BCL2: variants seen among roughly 807,000 people sequenced by gnomAD.
The protein encoded by BCL2 is apoptosis regulator Bcl-2.
Under a neutral mutation model 14.2 loss-of-function variants are expected in BCL2, and 1 was observed. That is an observed-to-expected ratio of 0.07 (90% confidence interval 0.02 to 0.33). BCL2 has a LOEUF of 0.33. Ranked by LOEUF, BCL2 falls within the 10% of genes least tolerant of loss-of-function variation. The pLI, the probability that BCL2 is intolerant of heterozygous loss-of-function variation, is 0.99. For synonymous variants in BCL2, 151 were observed against 137.2 expected, an observed-to-expected ratio of 1.10 and a Z score of -0.70; for missense variants, 247 against 305.9, an observed-to-expected ratio of 0.81 and a Z score of 1.44.
intron 2 of BCL2, among the ~76,000 whole-genome samples, chr18:63,246,597 C>T (rs751286443): frequency 6.6e-5 from 10 of 152,154 alleles, no homozygotes; most frequent in Non-Finnish European, 8.8e-5. Flanking sequence ...CTACCCGCTC[C>T]CTCCCATGAC....
At chr18:63,317,832 C>G in intron 2 of BCL2, 1 of 1,383,834 alleles carries the variant, frequency 7.2e-7, no homozygotes, top group Non-Finnish European at 9.3e-7. Flanking sequence ...TACTGGATTA[C>G]AAACGCTAGA....
At chr18:63,212,453 C>G (rs17757541) in intron 2 of BCL2, among the ~76,000 whole-genome samples, 22,296 of 151,654 alleles carry the variant, frequency 0.15, 2,331 homozygotes, top group South Asian at 0.24. Context: ...TTAACAGCCA[C>G]GTGAAGTAGA....
intron 2 of BCL2, among the ~76,000 whole-genome samples, chr18:63,139,928 AAACTT>A: frequency 6.6e-6 from 1 of 152,350 alleles, no homozygotes; most frequent in Middle Eastern, 3.4e-3. Flanking sequence ...GTCCAGCAAA[AAACTT>A]AATTATTATA....
rs373065228 is a variant in BCL2, at chr18:63,318,302, G to A, written c.365C>T (p.Thr122Met). 1 of 1,614,108 alleles carries A rather than the reference G, an allele frequency of 6.2e-7. No homozygotes were observed. The highest frequency in any genetic ancestry group is 8.5e-7 in the Non-Finnish European group (1 of 1,180,010). ...AAAGCGTCCCCGCGCGGTGAAGGGC[G>A]TCAGGTGCAGCTGGCTGGACATCTC... is the stretch of plus-strand genomic sequence containing the variant. ...FAEMSSQLHLTPFTARGRFAT... is the reference protein window; with the variant it reads ...FAEMSSQLHLMPFTARGRFAT... Residue 122 changes from threonine to methionine, a missense_variant, in exon 2 of 3, where the codon ACG becomes ATG. By Grantham distance (81) the Thr-to-Met change is moderately conservative (BLOSUM62 -1). Transcript: ENST00000333681. This position sits in a 1 kb window ranked among gnomAD's most constrained non-coding sequence, Gnocchi z 7.4.
intron 2 of BCL2, among the ~76,000 whole-genome samples, chr18:63,179,081 C>T (rs1915419978): frequency 6.6e-6 from 1 of 152,146 alleles, no homozygotes; most frequent in African/African-American, 2.4e-5. Context: ...CTTGAGCCTG[C>T]TTGGGAATCT....
rs540866036 is a variant in BCL2, at chr18:63,207,355, G to T, written c.586-78596C>A. ...TAAGTGCTATATAAATGCTTCATAA[G>T]TGTTTGTTGAAGGAAGTTGAAATGT... On this transcript the variant is annotated intron_variant, in intron 2 of 2. Transcript: ENST00000333681. 3.9e-5 allele frequency among the ~76,000 whole-genome samples: 6 copies of T among 152,370 alleles called. No individual in the cohort carries two copies. In the South Asian group the frequency reaches 6.2e-4, roughly 16 times the overall value.
In BCL2 at chr18:63,318,419, C is replaced by T. The variant is rs375594294; in HGVS notation, c.248G>A (p.Gly83Glu). The T allele has an allele frequency of 2.0e-6, 3 of 1,497,324 alleles. No individual in the cohort carries two copies. Among genetic ancestry groups the T allele is most frequent in the Middle Eastern group, 3.7e-4 (2 of 5,478 alleles). The allele number at this position is 1,497,324 out of a possible 1,614,324, so 92.8% of individuals were successfully genotyped here. ...AGGTGGCACCGGGCTGAGCGCAGGC[C>T]CCGCGGCGGCGCCGGGGGCAGCCGG... ...QTPAAPGAAA[G>E]PALSPVPPVV... is the part of the protein sequence containing the mutation. Residue 83 changes from glycine (G) to glutamate (E), a missense_variant, in exon 2 of 3, where the codon GGG (glycine) becomes GAG (glutamate). Physicochemically the swap from Gly to Glu is moderately conservative, Grantham distance 98 (BLOSUM62 -2). This residue lies in a region of BCL2 where 144 missense variants were observed against 135.3 expected (regional missense o/e 1.06). Transcript: ENST00000333681. This position sits in a 1 kb window ranked among gnomAD's most constrained non-coding sequence, Gnocchi z 7.4.
intron 2 of BCL2, among the ~76,000 whole-genome samples, chr18:63,139,335 A>G (rs1246604200): frequency 6.6e-6 from 1 of 152,256 alleles, no homozygotes; most frequent in Non-Finnish European, 1.5e-5. Flanking sequence ...GGTTAGTGTA[A>G]TAAACCATAA....
At chr18:63,319,057 A>C in intron 1 of BCL2, 105 bp from the exon 2 acceptor site, 2 of 1,088,678 alleles carry the variant, frequency 1.8e-6, no homozygotes, top group Non-Finnish European at 2.2e-6. Context: ...AACACGGCTA[A>C]AAAGAATGTA....
At chr18:63,198,570 TGACACACA>T (rs1219434141) in intron 2 of BCL2, among the ~76,000 whole-genome samples, 1 of 13,746 alleles carries the variant, frequency 7.3e-5, no homozygotes, top group Non-Finnish European at 1.6e-4. Flanking sequence ...AGACACACAT[TGACACACA>T]GACACATAGA....
At chr18:63,174,117 T>C (rs1239357139) in intron 2 of BCL2, among the ~76,000 whole-genome samples, 2 of 152,202 alleles carry the variant, frequency 1.3e-5, no homozygotes, top group African/African-American at 2.4e-5. Flanking sequence ...TATATGACTA[T>C]ATATAGACAC....
In BCL2 at chr18:63,126,145, T is replaced by C; in HGVS notation, c.*2480A>G. 1 of 213,570 alleles carries C rather than the reference T, an allele frequency of 4.7e-6. No individual in the cohort carries two copies. Among genetic ancestry groups the C allele is most frequent in the Non-Finnish European group, 9.5e-6 (1 of 105,322 alleles). 13.2% of individuals were successfully genotyped at this position (213,570 alleles called of 1,614,324 possible). ...TCACTTTGACAATGTAAACCTTTCA[T>C]AAAATAATATTTTGCTTAAAAATTA... On this transcript the variant is annotated 3_prime_UTR_variant, in exon 3 of 3. Transcript: ENST00000333681.
At chr18:63,133,776 T>C (rs1463872819) in intron 2 of BCL2, among the ~76,000 whole-genome samples, 1 of 152,214 alleles carries the variant, frequency 6.6e-6, no homozygotes, top group Non-Finnish European at 1.5e-5. Flanking sequence ...TTGAATTTGG[T>C]AATGCATATC....
intron 2 of BCL2, among the ~76,000 whole-genome samples, chr18:63,183,665 G>A (rs957370747): frequency 6.6e-6 from 1 of 152,218 alleles, no homozygotes; most frequent in African/African-American, 2.4e-5. Flanking sequence ...CATTCCATGT[G>A]TGGAAGGAGT....
At chr18:63,207,868 C>G (rs1018777514) in intron 2 of BCL2, 5 of 152,030 alleles carry the variant, frequency 3.3e-5, no homozygotes, top group African/African-American at 1.2e-4. Context: ...GTTATTCTAC[C>G]CCTGACTTTG....
intron 2 of BCL2, among the ~76,000 whole-genome samples, chr18:63,225,953 G>T (rs1910532276): frequency 6.6e-6 from 1 of 152,146 alleles, no homozygotes. Flanking sequence ...CCTGCATTGT[G>T]GCACCCAAGT....
At chr18:63,245,932 T>C (rs1404804030) in intron 2 of BCL2, among the ~76,000 whole-genome samples, 2 of 152,340 alleles carry the variant, frequency 1.3e-5, no homozygotes, top group South Asian at 2.1e-4. Context: ...CTACTCACAG[T>C]ATTTTTAAGT....
At chr18:63,166,828 T>C (rs1328390519) in intron 2 of BCL2, among the ~76,000 whole-genome samples, 1 of 152,222 alleles carries the variant, frequency 6.6e-6, no homozygotes, top group Non-Finnish European at 1.5e-5. Context: ...TTATACAGGT[T>C]TCTTTATCAT....
chr18:63,311,674 A>C (rs909202659), intron 2 of BCL2, among the ~76,000 whole-genome samples: 22 of 152,132 alleles, frequency 1.4e-4, no homozygotes, highest in African/African-American at 2.2e-4. Flanking sequence ...GCAAAACAAG[A>C]AGCAGAATGG....
Sources: allele counts gnomAD v4.1 joint callset (sites outside exome capture counted in the v4.1 genomes callset), GRCh38; gene constraint gnomAD v4.1.1; regional missense constraint gnomAD v4.1.1; non-coding constraint Gnocchi (gnomAD v3.1); transcripts MANE v1.5; gene names NCBI Gene and HGNC (gene_info 2026-07-23, HGNC 2026-07-21).